The following GALNT18 variants were observed in gnomAD, a reference collection of about 807,000 sequenced individuals.
GALNT18 encodes polypeptide N-acetylgalactosaminyltransferase 18, also known as GalNAc-transferase 18.
In GALNT18, 44 loss-of-function variants were observed where a neutral mutation model predicts 69.5. That is an observed-to-expected ratio of 0.63 (90% CI 0.50 to 0.81). The LOEUF (loss-of-function observed/expected upper bound fraction) is 0.81, where lower values mean the gene tolerates loss of function less well. Among genes scored for constraint, GALNT18 ranks in the 40% least tolerant of loss-of-function variants. The pLI, the probability that GALNT18 is intolerant of heterozygous loss-of-function variation, is 0.00. For missense variants in GALNT18, 715 were observed against 810.0 expected (o/e 0.88, Z 1.42); for synonymous variants, 364 against 318.2 (o/e 1.14, Z -1.53).
chr11:11,352,397 C>T, intron 6 of GALNT18: 2 of 1,614,172 alleles, frequency 1.2e-6, no homozygotes, highest in Admixed American at 1.7e-5. Flanking sequence ...TCCTCACCAA[C>T]TGATCATAAT....
intron 1 of GALNT18, among the ~76,000 whole-genome samples, chr11:11,493,318 GCTTTTCCT>G (rs1856810714): frequency 6.8e-6 from 1 of 147,068 alleles, no homozygotes; most frequent in African/African-American, 2.5e-5. Flanking sequence ...CAGTAGGGCA[GCTTTTCCT>G]CTATTGGGTG....
intron 5 of GALNT18, among the ~76,000 whole-genome samples, chr11:11,375,209 T>C (rs752280774): frequency 2.6e-5 from 4 of 152,232 alleles, no homozygotes; most frequent in African/African-American, 9.6e-5. Flanking sequence ...GATACATTTG[T>C]ATAAATCACA....
intron 1 of GALNT18, among the ~76,000 whole-genome samples, chr11:11,550,760 TTGAAATGTGGCTAGTGCAACAG>T (rs1028951786): frequency 6.6e-6 from 1 of 152,230 alleles, no homozygotes; most frequent in African/African-American, 2.4e-5. Flanking sequence ...TATGTGGCTC[TTGAAATGTGGCTAGTGCAACAG>T]AGCAGCTAAG....
At chr11:11,281,616 G>A (rs1004639162) in intron 10 of GALNT18, among the ~76,000 whole-genome samples, 2 of 152,166 alleles carry the variant, frequency 1.3e-5, no homozygotes, top group Admixed American at 6.5e-5. Flanking sequence ...CCTTTCAAGG[G>A]ACACCTTGCC....
rs900963228 is a variant in GALNT18, at chr11:11,583,425, A to G, written c.235+37934T>C. On this transcript the variant is annotated intron_variant, in intron 1 of 10. Coordinates refer to ENST00000227756, the MANE Select transcript of GALNT18 (RefSeq NM_198516.3). This position sits in a 1 kb window ranked among gnomAD's most constrained non-coding sequence, Gnocchi z 4.7. ...ATTCATACATTCTGAATGAATGAAGAAATGTAGACTATCTGAATCCATAGG... is the reference window on the plus strand; with the variant it reads ...ATTCATACATTCTGAATGAATGAAGGAATGTAGACTATCTGAATCCATAGG... Among the ~76,000 whole-genome samples, 1 of 152,236 alleles carries G rather than the reference A, an allele frequency of 6.6e-6. No individual in the cohort carries two copies. Among genetic ancestry groups the G allele is most frequent in the African/African-American group, 2.4e-5 (1 of 41,460 alleles).
chr11:11,428,079 G>T (rs1250807004), intron 3 of GALNT18, among the ~76,000 whole-genome samples: 2 of 152,250 alleles, frequency 1.3e-5, no homozygotes, highest in African/African-American at 2.4e-5. Context: ...CGTTAGCCCA[G>T]GCTGGTACTA....
At chr11:11,508,663 C>T (rs1857114445) in intron 1 of GALNT18, among the ~76,000 whole-genome samples, 1 of 152,196 alleles carries the variant, frequency 6.6e-6, no homozygotes, top group Non-Finnish European at 1.5e-5. Flanking sequence ...GCATGGTCTT[C>T]ATTCACTTCA....
Position 11,605,024 on chromosome 11 carries a change from C to T in GALNT18, c.235+16335G>A, listed in dbSNP as rs773053002. Among the ~76,000 whole-genome samples the T allele has an allele frequency of 1.3e-4, 20 of 152,268 alleles. No homozygotes were observed. In the East Asian group the frequency reaches 1.4e-3, roughly 10 times the overall value. ...CCTATGTCTACTATGCCCTCTTCCACGCTACTGCCTAAATGACTCTTCTCA... is the reference window on the plus strand; with the variant it reads ...CCTATGTCTACTATGCCCTCTTCCATGCTACTGCCTAAATGACTCTTCTCA... On this transcript the variant is annotated intron_variant, in intron 1 of 10. Coordinates refer to ENST00000227756, the MANE Select transcript of GALNT18 (RefSeq NM_198516.3). This position sits in a 1 kb window ranked among gnomAD's most constrained non-coding sequence, Gnocchi z 4.7.
intron 8 of GALNT18, among the ~76,000 whole-genome samples, chr11:11,331,759 T>C (rs1468353979): frequency 1.3e-5 from 2 of 152,114 alleles, no homozygotes; most frequent in Non-Finnish European, 2.9e-5. Context: ...GGAGATAATA[T>C]AGCTAATCCT....
intron 1 of GALNT18, among the ~76,000 whole-genome samples, chr11:11,611,371 C>A (rs1193296018): frequency 6.6e-6 from 1 of 152,214 alleles, no homozygotes; most frequent in East Asian, 1.9e-4. Flanking sequence ...AGAGAGGAGG[C>A]AGCCTGTGTG....
At position 11,470,764 on chromosome 11, in the gene GALNT18, A is replaced by G. The variant is rs1363026134; in HGVS notation, c.236-21828T>C. The stretch of plus-strand genomic sequence containing the variant: ...GCCCTGTGCTGGGCAGCATCTCCCC[A>G]GACTACAGAACAGGAAGGACTGCCA... On this transcript the variant is annotated intron_variant, in intron 1 of 10. Coordinates refer to ENST00000227756, the MANE Select transcript of GALNT18 (RefSeq NM_198516.3). This position sits in a 1 kb window ranked among gnomAD's most constrained non-coding sequence, Gnocchi z 4.8. Among the ~76,000 whole-genome samples, 2 of 152,038 alleles carry G rather than the reference A, an allele frequency of 1.3e-5. No individual in the cohort carries two copies. The highest frequency in any genetic ancestry group is 4.8e-5 in the African/African-American group (2 of 41,400).
At chr11:11,479,625 CA>C (rs1332368390) in intron 1 of GALNT18, among the ~76,000 whole-genome samples, 2 of 152,050 alleles carry the variant, frequency 1.3e-5, no homozygotes, top group African/African-American at 4.8e-5. Context: ...TGATACAATT[CA>C]AAAAATAATC....
chr11:11,471,995 C>G (rs7938506), intron 1 of GALNT18, among the ~76,000 whole-genome samples: 56,783 of 152,114 alleles, frequency 0.37, 11,220 homozygotes, highest in African/African-American at 0.47. Flanking sequence ...ACAGCAAGAC[C>G]AGGCTCAGCA....
At position 11,377,275 on chromosome 11, in the gene GALNT18, A is replaced by G. The variant is rs772404596; in HGVS notation, c.884T>C (p.Leu295Pro). Residue 295 changes from leucine to proline, a missense_variant, in exon 5 of 11, where the codon CTG becomes CCG. Coordinates refer to ENST00000227756, the MANE Select transcript of GALNT18 (RefSeq NM_198516.3). This position sits in a 1 kb window ranked among gnomAD's most constrained non-coding sequence, Gnocchi z 4.6. ...YDNFEIEEYP[L>P]AAQGFDWELW... ...CTCCCAGTCAAAGCCCTGGGCAGCC[A>G]GCGGGTACTCTTCTATCTCAAAGTT... The G allele has an allele frequency of 6.2e-7, 1 of 1,614,100 alleles. No homozygotes were observed. Among genetic ancestry groups the G allele is most frequent in the South Asian group, 1.1e-5 (1 of 91,074 alleles).
intron 3 of GALNT18, among the ~76,000 whole-genome samples, chr11:11,395,110 C>T (rs894196320): frequency 4.6e-5 from 7 of 152,232 alleles, no homozygotes; most frequent in Non-Finnish European, 8.8e-5. Context: ...GTGGATGACA[C>T]AGTGCCAGGC....
rs1408095058 is a variant in GALNT18 at position 11,619,903 on chromosome 11, C to G, written c.235+1456G>C. Among the ~76,000 whole-genome samples the G allele has an allele frequency of 1.3e-5, 2 of 152,126 alleles. No homozygotes were observed. Among genetic ancestry groups the G allele is most frequent in the East Asian group, 3.9e-4 (2 of 5,184 alleles). On this transcript the variant is annotated intron_variant, in intron 1 of 10. Coordinates refer to ENST00000227756, the MANE Select transcript of GALNT18 (RefSeq NM_198516.3). This position sits in a 1 kb window ranked among gnomAD's most constrained non-coding sequence, Gnocchi z 4.9. ...ATGTCCCTCTTTTCTGGGAAGGTGC[C>G]GAAGCCATGGGCTTGTTTTGAAGTC...
At chr11:11,304,775 C>T (rs1270892590) in intron 9 of GALNT18, among the ~76,000 whole-genome samples, 3 of 152,190 alleles carry the variant, frequency 2.0e-5, no homozygotes, top group African/African-American at 7.2e-5. Context: ...GAGTGACAGA[C>T]GTCATTCCCA....
chr11:11,500,060 A>G lies in GALNT18; in HGVS notation c.236-51124T>C, dbSNP rs2133897486. On this transcript the variant is annotated intron_variant, in intron 1 of 10. Coordinates refer to ENST00000227756, the MANE Select transcript of GALNT18 (RefSeq NM_198516.3). This position sits in a 1 kb window ranked among gnomAD's most constrained non-coding sequence, Gnocchi z 5.0. ...AGAGAAAGGGAGCAAAATCAAAAAG[A>G]GAGGCCAAGCATTGTTGAAACATGG... 6.6e-6 allele frequency among the ~76,000 whole-genome samples: 1 copy of G among 152,388 alleles called. No individual in the cohort carries two copies. Among genetic ancestry groups the G allele is most frequent in the South Asian group, 2.1e-4 (1 of 4,828 alleles).
chr11:11,274,418 A>C (rs1848894549), intron 10 of GALNT18, among the ~76,000 whole-genome samples: 1 of 152,148 alleles, frequency 6.6e-6, no homozygotes, highest in South Asian at 2.1e-4. Flanking sequence ...ACTCCCACAG[A>C]GCCCAGCAAG....
Sources: allele counts gnomAD v4.1 joint callset (sites outside exome capture counted in the v4.1 genomes callset), GRCh38; gene constraint gnomAD v4.1.1; non-coding constraint Gnocchi (gnomAD v3.1); transcripts MANE v1.5; gene names NCBI Gene and HGNC (gene_info 2026-07-23, HGNC 2026-07-21).